The following PRIMPOL variants were observed in gnomAD, a reference collection of about 807,000 sequenced individuals.
PRIMPOL encodes the protein DNA-directed primase/polymerase protein.
In PRIMPOL, 54 loss-of-function variants were observed where a neutral mutation model predicts 63.6. The ratio of observed to expected loss-of-function variants is 0.85; its 90% CI spans 0.68 to 1.07. PRIMPOL has a LOEUF of 1.07. PRIMPOL is among the 50% of genes least tolerant of loss of function. The pLI is 0.00. For missense variants in PRIMPOL, 610 were observed against 648.3 expected (o/e 0.94, Z 0.64); for synonymous variants, 197 against 220.2 (o/e 0.89, Z 0.93).
At chr4:184,671,479 C>T (rs774419287) in intron 6 of PRIMPOL, among the ~76,000 whole-genome samples, 3 of 152,020 alleles carry the variant, frequency 2.0e-5, no homozygotes, top group South Asian at 2.1e-4. Context: ...CTTAAGGGCA[C>T]GAGAGCCCTT....
chr4:184,651,214 C>G (rs1744310263), intron 1 of PRIMPOL, among the ~76,000 whole-genome samples: 1 of 151,774 alleles, frequency 6.6e-6, no homozygotes, highest in South Asian at 2.1e-4. Context: ...TCGCTTGAAC[C>G]CGGGAGGCAG....
At chr4:184,672,738 G>A (rs905210373) in intron 7 of PRIMPOL, among the ~76,000 whole-genome samples, 1 of 152,174 alleles carries the variant, frequency 6.6e-6, no homozygotes. Context: ...TTTTACAGGG[G>A]ACAGTTGGAC....
At chr4:184,667,599 C>T (rs533054126) in intron 6 of PRIMPOL, among the ~76,000 whole-genome samples, 4 of 152,208 alleles carry the variant, frequency 2.6e-5, no homozygotes, top group South Asian at 2.1e-4. Flanking sequence ...CGTGAGCCAC[C>T]GTGCCTGGCC....
Position 184,682,274 on chromosome 4 carries a change from C to G in PRIMPOL, c.1034C>G (p.Thr345Arg), listed in dbSNP as rs755014395. The change falls in exon 9 of 14, where the codon ACA becomes AGA. Residue 345 changes from threonine (T) to arginine (R), a missense_variant. Around this residue, in one of 3 missense-constraint regions of PRIMPOL, gnomAD observed 444 missense variants for 456.4 expected, o/e 0.97. Transcript: ENST00000314970. ...TTCTCAGATACTTTACGAATTCTTA[C>G]ATGTGAGCCATCTCAGAATAAACAA... ...VRFSDTLRIL[T>R]CEPSQNKQKG... 3 of 1,600,380 alleles carry G rather than the reference C, an allele frequency of 1.9e-6. No individual in the cohort carries two copies. The African/African-American group carries it at 4.0e-5, about 21-fold the overall frequency.
chr4:184,665,496 T>TA (rs1749607726), intron 5 of PRIMPOL, among the ~76,000 whole-genome samples: 1 of 151,196 alleles, frequency 6.6e-6, no homozygotes, highest in Non-Finnish European at 1.5e-5. Context: ...AAAAATGAAT[T>TA]AATGACTTTT....
intron 11 of PRIMPOL, among the ~76,000 whole-genome samples, chr4:184,689,025 A>C (rs746871296): frequency 3.3e-5 from 5 of 150,580 alleles, no homozygotes; most frequent in Admixed American, 1.3e-4. Context: ...ACAATTACTT[A>C]TTAATGGGAT....
intron 3 of PRIMPOL, chr4:184,657,751 T>C (rs1235475144): frequency 1.3e-5 from 2 of 154,732 alleles, no homozygotes; most frequent in Admixed American, 1.3e-4. Context: ...CCCAGCACTT[T>C]GGGAGGCCGA....
intron 13 of PRIMPOL, 41 bp downstream of exon 13, chr4:184,691,753 T>C: frequency 3.4e-6 from 5 of 1,481,104 alleles, no homozygotes; most frequent in Non-Finnish European, 4.7e-6. Context: ...ACCAGGGAGT[T>C]CTTGGTACAA....
chr4:184,675,123 T>C (rs1298167859), intron 7 of PRIMPOL, among the ~76,000 whole-genome samples: 1 of 152,222 alleles, frequency 6.6e-6, no homozygotes, highest in Non-Finnish European at 1.5e-5. Context: ...CACACTGTGT[T>C]GTAAGCAGAT....
chr4:184,665,405 G>A (rs1487447823), intron 5 of PRIMPOL, among the ~76,000 whole-genome samples: 1 of 151,580 alleles, frequency 6.6e-6, no homozygotes. Flanking sequence ...CCAGTGCCTT[G>A]TAGTCTCAGA....
At chr4:184,674,044 A>C (rs1752648719) in intron 7 of PRIMPOL, among the ~76,000 whole-genome samples, 1 of 152,186 alleles carries the variant, frequency 6.6e-6, no homozygotes, top group African/African-American at 2.4e-5. Context: ...AGTGCGTAAC[A>C]GGAAGTTGAT....
At position 184,678,375 on chromosome 4, in the gene PRIMPOL, T is replaced by C. The variant is rs1363622988; in HGVS notation, c.988T>C (p.Ser330Pro). Reference protein sequence around the residue: ...VSDEYQYFLSSLVSNVRFSDT... With the variant: ...VSDEYQYFLSPLVSNVRFSDT... Reference sequence around the variant, plus strand: ...TGACGAATATCAATATTTTCTCTCTTCTTTGGTCAGCAATGTCAGGTATGT... The same window carrying C: ...TGACGAATATCAATATTTTCTCTCTCCTTTGGTCAGCAATGTCAGGTATGT... Residue 330 changes from serine (S) to proline (P), a missense_variant, in exon 8 of 14, where the codon TCT becomes CCT. Ser to Pro is a moderately conservative substitution (Grantham distance 74). This residue lies in a region of PRIMPOL where 444 missense variants were observed against 456.4 expected (regional missense o/e 0.97). Coordinates refer to ENST00000314970, the MANE Select transcript of PRIMPOL (RefSeq NM_152683.4). The C allele has an allele frequency of 1.2e-6, 2 of 1,605,202 alleles. No homozygotes were observed. Among genetic ancestry groups the C allele is most frequent in the Admixed American group, 3.4e-5 (2 of 58,042 alleles).
At chr4:184,688,722 A>T (rs1757656504) in intron 11 of PRIMPOL, among the ~76,000 whole-genome samples, 1 of 152,234 alleles carries the variant, frequency 6.6e-6, no homozygotes, top group Non-Finnish European at 1.5e-5. Flanking sequence ...TAATGCATTG[A>T]TTCTAGACTT....
At chr4:184,682,826 G>C (rs1755992801) in intron 9 of PRIMPOL, among the ~76,000 whole-genome samples, 1 of 151,992 alleles carries the variant, frequency 6.6e-6, no homozygotes. Context: ...GAGGCGGGAG[G>C]ATCACTTGAG....
chr4:184,684,863 A>G (rs1206240816), intron 9 of PRIMPOL, among the ~76,000 whole-genome samples: 4 of 152,156 alleles, frequency 2.6e-5, no homozygotes, highest in Non-Finnish European at 5.9e-5. Context: ...AAAAACAAAC[A>G]AAAAAACCAG....
At chr4:184,663,373 T>C (rs183544854) in intron 5 of PRIMPOL, among the ~76,000 whole-genome samples, 17 of 152,296 alleles carry the variant, frequency 1.1e-4, no homozygotes, top group African/African-American at 4.1e-4. Flanking sequence ...TTCATAAGTA[T>C]TGACTTTCTT....
At position 184,672,381 on chromosome 4, in the gene PRIMPOL, A is replaced by G. The variant is rs1752031247; in HGVS notation, c.765A>G (p.Ser255=). ...CAAAGAAACTGGAGAGGCTGGGGTCAGCTGAGCAAAGCAGTCCTGACCTTT... is the reference window on the plus strand; with the variant it reads ...CAAAGAAACTGGAGAGGCTGGGGTCGGCTGAGCAAAGCAGTCCTGACCTTT... ...SNSKKLERLG[S]AEQSSPDLSF... is the part of the protein sequence containing the mutation. The change falls in exon 7 of 14, where the codon TCA becomes TCG. Residue 255 remains serine, a synonymous_variant. Transcript: ENST00000314970. 6.2e-7 allele frequency: 1 copy of G among 1,614,204 alleles called. No homozygotes were observed. The highest frequency in any genetic ancestry group is 1.3e-5 in the African/African-American group (1 of 75,060).
At chr4:184,677,932 A>C (rs1377841573) in intron 7 of PRIMPOL, among the ~76,000 whole-genome samples, 1 of 152,104 alleles carries the variant, frequency 6.6e-6, no homozygotes, top group Non-Finnish European at 1.5e-5. Context: ...GCACAGCTTC[A>C]CTGTCTTGGA....
intron 7 of PRIMPOL, among the ~76,000 whole-genome samples, chr4:184,675,769 A>G (rs1431559776): frequency 1.3e-5 from 2 of 152,182 alleles, no homozygotes; most frequent in Non-Finnish European, 2.9e-5. Flanking sequence ...GTGAGCCGAG[A>G]TCATACCACT....
Sources: gnomAD v4.1 joint callset for allele counts (sites outside exome capture counted in the v4.1 genomes callset) on GRCh38, gnomAD v4.1.1 for gene constraint, gnomAD v4.1.1 regional missense constraint, MANE v1.5 for transcripts, NCBI Gene and HGNC (gene_info 2026-07-23, HGNC 2026-07-21) for gene names.